Variants in MED13 observed in about 807,000 individuals in gnomAD.
MED13 encodes the protein mediator complex subunit 13, also known as mediator of RNA polymerase II transcription subunit 13.
In MED13, 23 loss-of-function variants were observed where a neutral mutation model predicts 225.2. The ratio of observed to expected loss-of-function variants is 0.10; its 90% CI spans 0.07 to 0.14. MED13 has a LOEUF of 0.14. Ranked by LOEUF, MED13 falls within the 10% of genes least tolerant of loss-of-function variation. The probability of loss-of-function intolerance (pLI) is 1.00; values close to 1 mark genes in which losing one functional copy is unlikely to be tolerated. For missense variants in MED13, 2,197 were observed against 2,594.5 expected (o/e 0.85, Z 3.33); for synonymous variants, 942 against 889.2 (o/e 1.06, Z -1.06).
At chr17:62,059,923 CAATA>C (rs2081025093) in intron 2 of MED13, among the ~76,000 whole-genome samples, 1 of 152,128 alleles carries the variant, frequency 6.6e-6, no homozygotes, top group Non-Finnish European at 1.5e-5. Context: ...AGCTTTGGAA[CAATA>C]AATATGATCA....
intron 16 of MED13, among the ~76,000 whole-genome samples, chr17:61,976,054 G>A (rs2080153202): frequency 6.6e-6 from 1 of 151,998 alleles, no homozygotes; most frequent in Admixed American, 6.6e-5. Flanking sequence ...AACAGAATAT[G>A]ACTCAGTGAA....
At chr17:61,962,244 CCACTGCACTCCAGTCTGGCGA>C (rs2080007217) in intron 21 of MED13, among the ~76,000 whole-genome samples, 2 of 152,116 alleles carry the variant, frequency 1.3e-5, no homozygotes, top group South Asian at 4.1e-4. Context: ...CGAGATCACG[CCACTGCACTCCAGTCTGGCGA>C]CAGAGCGAGA....
chr17:62,058,285 G>A (rs760092933), intron 2 of MED13, among the ~76,000 whole-genome samples: 6 of 151,966 alleles, frequency 3.9e-5, no homozygotes, highest in Non-Finnish European at 8.8e-5. Context: ...AGGCTGAGGC[G>A]GGCAGATCAC....
At chr17:62,062,319 C>A (rs936416406) in intron 2 of MED13, among the ~76,000 whole-genome samples, 1 of 152,142 alleles carries the variant, frequency 6.6e-6, no homozygotes, top group East Asian at 1.9e-4. Flanking sequence ...GCTATAGTTT[C>A]TCTTTCTAAA....
intron 3 of MED13, among the ~76,000 whole-genome samples, chr17:62,049,712 A>G (rs2080937914): frequency 6.6e-6 from 1 of 152,106 alleles, no homozygotes; most frequent in East Asian, 1.9e-4. Flanking sequence ...TGGGCGGATC[A>G]CAAGGTCAGG....
chr17:61,962,514 G>A (rs1333917525), intron 21 of MED13, among the ~76,000 whole-genome samples: 1 of 152,082 alleles, frequency 6.6e-6, no homozygotes, highest in Admixed American at 6.6e-5. Context: ...AGTAACACAG[G>A]AGAAACATTT....
intron 26 of MED13, among the ~76,000 whole-genome samples, chr17:61,955,131 A>ACC (rs1382625492): frequency 6.6e-6 from 1 of 151,948 alleles, no homozygotes; most frequent in Non-Finnish European, 1.5e-5. Flanking sequence ...CACTGTTTCC[A>ACC]CCACATGGCT....
intron 8 of MED13, among the ~76,000 whole-genome samples, chr17:62,018,969 T>A (rs777099737): frequency 2.0e-5 from 3 of 152,260 alleles, no homozygotes; most frequent in African/African-American, 7.2e-5. Flanking sequence ...ATTCAGTTAT[T>A]AGTGAAGTAC....
At chr17:62,038,288 C>A (rs975726852) in intron 3 of MED13, among the ~76,000 whole-genome samples, 5 of 151,716 alleles carry the variant, frequency 3.3e-5, no homozygotes, top group Admixed American at 6.6e-5. Context: ...CCCAGCTACT[C>A]GAGAGGCTGA....
At chr17:61,955,175 C>T in intron 26 of MED13, 1 of 379,964 alleles carries the variant, frequency 2.6e-6, no homozygotes, top group Non-Finnish European at 4.6e-6. Context: ...CCTCCTTCTG[C>T]CTCCTTCTTA....
chr17:62,020,135 T>C (rs1289490139), intron 8 of MED13, among the ~76,000 whole-genome samples: 2 of 152,020 alleles, frequency 1.3e-5, no homozygotes, highest in East Asian at 1.9e-4. Flanking sequence ...AACAGAGTAA[T>C]CCTTTTAGAT....
chr17:61,965,052 C>G lies in MED13; in HGVS notation c.4798G>C (p.Glu1600Gln), dbSNP rs777091214. 1 of 1,614,118 alleles carries G rather than the reference C, an allele frequency of 6.2e-7. No homozygotes were observed. Among genetic ancestry groups the G allele is most frequent in the East Asian group, 2.2e-5 (1 of 44,884 alleles). The change falls in exon 20 of 30, where the codon GAA becomes CAA. Residue 1600 changes from glutamate (E) to glutamine (Q), a missense_variant. By Grantham distance (29) the Glu-to-Gln change is conservative. Coordinates refer to ENST00000397786, the MANE Select transcript of MED13 (RefSeq NM_005121.3). Reference sequence around the variant, plus strand: ...GGCTGAGTGGGAAGTGAAGATGATTCTCCAGAAATCCCAGCTGTCTGTAGA... The same window carrying G: ...GGCTGAGTGGGAAGTGAAGATGATTGTCCAGAAATCCCAGCTGTCTGTAGA... The part of the protein sequence containing the change: ...SALQTAGISG[E>Q]SSSLPTQPHP...
intron 2 of MED13, among the ~76,000 whole-genome samples, chr17:62,061,711 TAATTAG>T (rs753478445): frequency 6.6e-6 from 1 of 152,200 alleles, no homozygotes; most frequent in Non-Finnish European, 1.5e-5. Flanking sequence ...GCTTTTGGCA[TAATTAG>T]AAAGTATTGT....
At chr17:62,017,792 T>C (rs1249384518) in intron 8 of MED13, among the ~76,000 whole-genome samples, 1 of 152,202 alleles carries the variant, frequency 6.6e-6, no homozygotes, top group Admixed American at 6.5e-5. Flanking sequence ...ATCTCAATCC[T>C]TATACAATCT....
intron 17 of MED13, among the ~76,000 whole-genome samples, chr17:61,972,496 C>T (rs1040149585): frequency 6.6e-6 from 1 of 151,896 alleles, no homozygotes; most frequent in Admixed American, 6.6e-5. Context: ...GGAAAGCCCC[C>T]TATGTGTAAG....
At chr17:62,044,309 G>A (rs962470673) in intron 3 of MED13, among the ~76,000 whole-genome samples, 1 of 151,718 alleles carries the variant, frequency 6.6e-6, no homozygotes, top group African/African-American at 2.4e-5. Context: ...AGGTTCTTGT[G>A]TAAGCAATAC....
At chr17:62,060,493 G>A (rs761369391) in intron 2 of MED13, among the ~76,000 whole-genome samples, 16 of 151,380 alleles carry the variant, frequency 1.1e-4, no homozygotes, top group African/African-American at 1.9e-4. Context: ...GGTGGTGGGC[G>A]CCTGTAGTCC....
At chr17:62,023,591 C>T (rs911241239) in intron 8 of MED13, among the ~76,000 whole-genome samples, 2 of 152,200 alleles carry the variant, frequency 1.3e-5, no homozygotes, top group South Asian at 2.1e-4. Flanking sequence ...CTCCAATCTT[C>T]TGTTAGTGCC....
At chr17:62,057,545 CACA>C (rs2081005387) in intron 2 of MED13, among the ~76,000 whole-genome samples, 1 of 150,626 alleles carries the variant, frequency 6.6e-6, no homozygotes, top group African/African-American at 2.4e-5. Flanking sequence ...ATGTGGGGCA[CACA>C]ACAATGTTTT....
Sources: gnomAD v4.1 joint callset for allele counts (sites outside exome capture counted in the v4.1 genomes callset) on GRCh38, gnomAD v4.1.1 for gene constraint, MANE v1.5 for transcripts, NCBI Gene and HGNC (gene_info 2026-07-23, HGNC 2026-07-21) for gene names.